SNX29: variants seen among roughly 807,000 people sequenced by gnomAD.
SNX29 encodes the protein sorting nexin 29, also known as sorting nexin-29.
A neutral mutation model predicts 102.1 loss-of-function variants in SNX29; 78 were observed. That is an observed-to-expected ratio of 0.76 (90% confidence interval 0.64 to 0.92). The LOEUF (loss-of-function observed/expected upper bound fraction) is 0.92, where lower values mean the gene tolerates loss of function less well. Ranked by LOEUF, SNX29 falls within the 40% of genes least tolerant of loss-of-function variation. The pLI, the probability that SNX29 is intolerant of heterozygous loss-of-function variation, is 0.00. For synonymous variants in SNX29, 580 were observed against 414.5 expected (o/e 1.40, Z -4.85); for missense variants, 1,280 against 1,061.7 (o/e 1.21, Z -2.86).
chr16:12,475,840 T>C (rs1226839491), intron 18 of SNX29, among the ~76,000 whole-genome samples: 1 of 152,240 alleles, frequency 6.6e-6, no homozygotes, highest in African/African-American at 2.4e-5. Flanking sequence ...GGACTGTCTG[T>C]ATTTCAAAAG....
intron 5 of SNX29, among the ~76,000 whole-genome samples, chr16:12,043,874 TC>T (rs2151185144): frequency 6.6e-6 from 1 of 152,278 alleles, no homozygotes; most frequent in South Asian, 2.1e-4. Context: ...TGCCTCAGCC[TC>T]CTGAGTAGCT....
At chr16:12,012,461 T>G (rs2056686117) in intron 3 of SNX29, among the ~76,000 whole-genome samples, 1 of 152,138 alleles carries the variant, frequency 6.6e-6, no homozygotes, top group Non-Finnish European at 1.5e-5. Context: ...CAGGCTGGAG[T>G]ACAGTGGTGC....
intron 18 of SNX29, among the ~76,000 whole-genome samples, chr16:12,424,719 G>A (rs1319777572): frequency 6.6e-6 from 1 of 152,124 alleles, no homozygotes; most frequent in Non-Finnish European, 1.5e-5. Context: ...AGTTCTATCT[G>A]GGGGGATACC....
At chr16:12,244,166 C>T (rs947956415) in intron 14 of SNX29, among the ~76,000 whole-genome samples, 22 of 152,216 alleles carry the variant, frequency 1.4e-4, no homozygotes, top group African/African-American at 3.6e-4. Flanking sequence ...CTCACTCACC[C>T]GCCACTCAAC....
rs756074571 is a variant in SNX29 at position 12,129,666 on chromosome 16, C to T, written c.1503C>T (p.His501=). The change falls in exon 13 of 21, where the codon CAC becomes CAT. Residue 501 remains histidine (H), a synonymous_variant. Coordinates refer to ENST00000566228, the MANE Select transcript of SNX29 (RefSeq NM_032167.5). ...ACCTGCTCGACGGTGAGATGGAGCA[C>T]TCAGCCGCGCTCCGGCAAGAGGTGG... ...LRNLLDGEME[H]SAALRQEVDT... is the part of the protein sequence containing the mutation. 1.2e-6 allele frequency: 2 copies of T among 1,611,244 alleles called. No individual in the cohort carries two copies. The highest frequency in any genetic ancestry group is 1.7e-5 in the Admixed American group (1 of 59,928).
chr16:12,342,516 T>G (rs1275240239), intron 15 of SNX29, among the ~76,000 whole-genome samples: 2 of 152,204 alleles, frequency 1.3e-5, no homozygotes, highest in African/African-American at 4.8e-5. Flanking sequence ...ATCTCGTCTT[T>G]CCATTGTAAT....
At chr16:12,488,663 CTG>C (rs2088378114) in intron 19 of SNX29, among the ~76,000 whole-genome samples, 1 of 152,180 alleles carries the variant, frequency 6.6e-6, no homozygotes, top group Non-Finnish European at 1.5e-5. Flanking sequence ...TTCCAGGACA[CTG>C]TCATTCATGG....
At chr16:12,327,075 A>AC (rs901352719) in intron 15 of SNX29, among the ~76,000 whole-genome samples, 1 of 151,782 alleles carries the variant, frequency 6.6e-6, no homozygotes, top group Non-Finnish European at 1.5e-5. Context: ...GAACCACATG[A>AC]CCCCTCTTCG....
rs755117214 is a variant in SNX29 at position 12,451,076 on chromosome 16, C to T, written c.2038-26643C>T. On this transcript the variant is annotated intron_variant, in intron 18 of 20. Coordinates refer to ENST00000566228, the MANE Select transcript of SNX29 (RefSeq NM_032167.5). ...AAGGGAGAAAGTACGTCTCCTGCCCCCAAAGTAGCCACTTTTGTCCTTGAA... is the reference window on the plus strand; with the variant it reads ...AAGGGAGAAAGTACGTCTCCTGCCCTCAAAGTAGCCACTTTTGTCCTTGAA... Among the ~76,000 whole-genome samples the T allele has an allele frequency of 1.2e-3, 187 of 152,246 alleles. 1 individual carries two copies. The highest frequency in any genetic ancestry group is 2.3e-3 in the Non-Finnish European group (157 of 68,006).
chr16:12,286,095 G>A (rs903384655), intron 15 of SNX29, among the ~76,000 whole-genome samples: 3 of 151,748 alleles, frequency 2.0e-5, no homozygotes, highest in East Asian at 3.9e-4. Flanking sequence ...CTCCCACCTC[G>A]GCCTCCCAAA....
In SNX29 at chr16:12,058,495, G is replaced by GTTTTTTTT. The variant is rs1249420541; in HGVS notation, c.1125-3024_1125-3017dup. On this transcript the variant is annotated intron_variant, in intron 8 of 20. Transcript: ENST00000566228. ...CTGGTGTTTTTTTTTTTGGTTTTTGGTTTTTTTTTTTTTTTTGAGATGGAG... is the reference window on the plus strand; with the variant it reads ...CTGGTGTTTTTTTTTTTGGTTTTTGGTTTTTTTTTTTTTTTTTTTTTTTTGAGATGGAG... 5.5e-4 allele frequency among the ~76,000 whole-genome samples: 59 copies of GTTTTTTTT among 106,518 alleles called. 5 individuals are homozygous for GTTTTTTTT. The highest frequency in any genetic ancestry group is 6.5e-4 in the Non-Finnish European group (36 of 55,442). 69.9% of individuals were successfully genotyped at this position (106,518 alleles called of 152,430 possible).
At chr16:12,519,784 T>G (rs1050312944) in intron 19 of SNX29, among the ~76,000 whole-genome samples, 1 of 151,732 alleles carries the variant, frequency 6.6e-6, no homozygotes, top group South Asian at 2.1e-4. Flanking sequence ...AGGGCAGGAG[T>G]ATCACCTGAG....
intron 20 of SNX29, chr16:12,560,729 C>T (rs188493109): frequency 2.4e-5 from 4 of 167,694 alleles, no homozygotes; most frequent in South Asian, 2.0e-4. Flanking sequence ...CATTCAACAT[C>T]AAAACCAACC....
chr16:12,363,835 T>TTA (rs2082374228), intron 16 of SNX29, among the ~76,000 whole-genome samples: 1 of 152,232 alleles, frequency 6.6e-6, no homozygotes, highest in Non-Finnish European at 1.5e-5. Context: ...AATATTTGCA[T>TTA]TATACTTGTG....
intron 18 of SNX29, among the ~76,000 whole-genome samples, chr16:12,472,255 T>C (rs2087382185): frequency 6.6e-6 from 1 of 152,086 alleles, no homozygotes; most frequent in Admixed American, 6.5e-5. Flanking sequence ...GGGTGGTGGC[T>C]CACGCCTGTA....
intron 11 of SNX29, among the ~76,000 whole-genome samples, chr16:12,116,678 AAAG>A (rs1246214982): frequency 1.3e-5 from 2 of 152,242 alleles, no homozygotes; most frequent in African/African-American, 2.4e-5. Context: ...CTTCTCAAAA[AAAG>A]AAGGAATGAG....
chr16:12,368,152 C>T (rs1373638278), intron 16 of SNX29, among the ~76,000 whole-genome samples: 1 of 152,208 alleles, frequency 6.6e-6, no homozygotes, highest in Non-Finnish European at 1.5e-5. Context: ...GCTTGCTCAT[C>T]ACCATGGGTG....
chr16:12,535,224 T>C (rs914261116), intron 20 of SNX29, among the ~76,000 whole-genome samples: 4 of 152,216 alleles, frequency 2.6e-5, no homozygotes, highest in African/African-American at 9.6e-5. Flanking sequence ...CTGCAACCTC[T>C]GCCTCCTGGG....
chr16:12,529,390 G>A (rs2076872204), intron 20 of SNX29, among the ~76,000 whole-genome samples: 1 of 152,190 alleles, frequency 6.6e-6, no homozygotes, highest in Admixed American at 6.5e-5. Context: ...GATCCCCGGG[G>A]AGATGTGAGG....
Sources: allele counts gnomAD v4.1 joint callset (sites outside exome capture counted in the v4.1 genomes callset), GRCh38; gene constraint gnomAD v4.1.1; transcripts MANE v1.5; gene names NCBI Gene and HGNC (gene_info 2026-07-23, HGNC 2026-07-21).